ELMO1: variants seen among roughly 807,000 people sequenced by gnomAD.
ELMO1 encodes the protein engulfment and cell motility 1.
A neutral mutation model predicts 98.9 loss-of-function variants in ELMO1; 26 were observed. That is an observed-to-expected ratio of 0.26 (90% CI 0.19 to 0.36). The LOEUF (loss-of-function observed/expected upper bound fraction) is 0.36, where lower values mean the gene tolerates loss of function less well. Among genes scored for constraint, ELMO1 ranks in the 10% least tolerant of loss-of-function variants. The probability of loss-of-function intolerance (pLI) is 1.00; values close to 1 mark genes in which losing one functional copy is unlikely to be tolerated. For synonymous variants in ELMO1, 346 were observed against 346.0 expected (o/e 1.00, Z 0.00); for missense variants, 627 against 935.2 (o/e 0.67, Z 4.30).
chr7:36,991,345 A>G (rs886392628), intron 16 of ELMO1, among the ~76,000 whole-genome samples: 1 of 152,204 alleles, frequency 6.6e-6, no homozygotes, highest in Non-Finnish European at 1.5e-5. Context: ...GAATCAGACC[A>G]TATCTCCCAA....
rs116358865 is a variant in ELMO1, at chr7:37,427,105, G to T, written c.-74+21570C>A. Among the ~76,000 whole-genome samples, 1,072 of 152,250 alleles carry T rather than the reference G, an allele frequency of 7.0e-3. 14 individuals are homozygous for T. Among genetic ancestry groups the T allele is most frequent in the African/African-American group, 0.024 (1,017 of 41,536 alleles). On this transcript the variant is annotated intron_variant, in intron 1 of 21. Transcript: ENST00000310758. ...ATACAGTAGTTCAGACCACAAGGGG[G>T]TCTTCTTTAGAAACGAGATTCAAAT...
intron 15 of ELMO1, among the ~76,000 whole-genome samples, chr7:37,027,825 C>T (rs1295982077): frequency 6.8e-6 from 1 of 147,708 alleles, no homozygotes; most frequent in African/African-American, 2.6e-5. Flanking sequence ...TCCACACAGG[C>T]ACTTAACTGA....
At chr7:37,128,670 T>C (rs1347066080) in intron 14 of ELMO1, among the ~76,000 whole-genome samples, 2 of 152,100 alleles carry the variant, frequency 1.3e-5, no homozygotes, top group African/African-American at 4.8e-5. Flanking sequence ...CCTTTATAAC[T>C]GTTAGGAGGA....
chr7:37,071,604 G>GTT (rs1026388374), intron 15 of ELMO1, among the ~76,000 whole-genome samples: 1 of 151,974 alleles, frequency 6.6e-6, no homozygotes, highest in African/African-American at 2.4e-5. Flanking sequence ...CACTCCCCAG[G>GTT]TTTAATTAAG....
intron 14 of ELMO1, among the ~76,000 whole-genome samples, chr7:37,123,581 A>T (rs530375359): frequency 1.3e-5 from 2 of 152,328 alleles, no homozygotes; most frequent in South Asian, 4.1e-4. Flanking sequence ...CCCAAGACTA[A>T]ACCAGGAAGA....
At chr7:37,294,770 C>T (rs561639764) in intron 4 of ELMO1, among the ~76,000 whole-genome samples, 2 of 152,304 alleles carry the variant, frequency 1.3e-5, no homozygotes, top group Non-Finnish European at 2.9e-5. Context: ...GAGGCAGAGG[C>T]AGGTGGATCG....
chr7:37,017,448 G>A (rs553970017), intron 15 of ELMO1, among the ~76,000 whole-genome samples: 11 of 152,266 alleles, frequency 7.2e-5, no homozygotes, highest in South Asian at 2.1e-4. Flanking sequence ...TACAATTTGC[G>A]CCTCCCTTGT....
chr7:37,259,366 C>T lies in ELMO1; in HGVS notation c.244-16G>A, dbSNP rs762537247. ...CGTTCTGAGCCTTATGGGGCAAAAG[C>T]AAAGGGAAGAGTGTTGACAAACGAA... On this transcript the variant is annotated splice_polypyrimidine_tract_variant and intron_variant, in intron 5 of 21. Coordinates refer to ENST00000310758, the MANE Select transcript of ELMO1 (RefSeq NM_014800.11). The T allele has an allele frequency of 6.2e-7, 1 of 1,610,398 alleles. No homozygotes were observed. Among genetic ancestry groups the T allele is most frequent in the Admixed American group, 1.7e-5 (1 of 59,568 alleles).
At chr7:36,972,926 G>A (rs187111380) in intron 16 of ELMO1, among the ~76,000 whole-genome samples, 280 of 151,998 alleles carry the variant, frequency 1.8e-3, no homozygotes, top group African/African-American at 6.0e-3. Context: ...GATTACAGGC[G>A]CCCACCACCA....
intron 15 of ELMO1, among the ~76,000 whole-genome samples, chr7:37,037,250 T>A (rs754715785): frequency 2.0e-5 from 3 of 152,118 alleles, no homozygotes; most frequent in Non-Finnish European, 4.4e-5. Flanking sequence ...CTCAAGTGAG[T>A]ATGTTCAATG....
chr7:37,209,010 T>TAAAA (rs112233572), intron 13 of ELMO1, among the ~76,000 whole-genome samples: 2 of 145,508 alleles, frequency 1.4e-5, no homozygotes, highest in African/African-American at 5.1e-5. Context: ...AACTTTCAGT[T>TAAAA]AAAAAAAAAA....
At chr7:36,940,744 C>T (rs1365675644) in intron 16 of ELMO1, among the ~76,000 whole-genome samples, 2 of 152,194 alleles carry the variant, frequency 1.3e-5, no homozygotes, top group Non-Finnish European at 2.9e-5. Context: ...GAAACTCTCA[C>T]CAAGTCAAAC....
chr7:37,092,322 TG>T (rs1419672150), intron 15 of ELMO1, among the ~76,000 whole-genome samples: 1 of 150,346 alleles, frequency 6.7e-6, no homozygotes, highest in Non-Finnish European at 1.5e-5. Context: ...AGTTTGCTCA[TG>T]GAAAGTGAGG....
chr7:36,976,231 A>T (rs530859682), intron 16 of ELMO1, among the ~76,000 whole-genome samples: 4 of 151,946 alleles, frequency 2.6e-5, no homozygotes, highest in Admixed American at 2.0e-4. Context: ...TAGAACCAAA[A>T]CTCCCATTTT....
At chr7:37,134,009 T>C (rs144746347) in intron 13 of ELMO1, among the ~76,000 whole-genome samples, 1 of 152,238 alleles carries the variant, frequency 6.6e-6, no homozygotes, top group African/African-American at 2.4e-5. Flanking sequence ...AACAAGCATA[T>C]GGAAGAATGC....
At chr7:37,211,352 G>A (rs374193117) in intron 13 of ELMO1, 34 bp downstream of exon 13, 641 of 1,613,428 alleles carry the variant, frequency 4.0e-4, no homozygotes, top group Non-Finnish European at 5.2e-4. Flanking sequence ...GGGGAGGCTG[G>A]AGGGAGAGCG....
At chr7:36,862,371 A>G (rs1417473754) in intron 20 of ELMO1, among the ~76,000 whole-genome samples, 1 of 152,260 alleles carries the variant, frequency 6.6e-6, no homozygotes, top group African/African-American at 2.4e-5. Context: ...ACTGCAAGGT[A>G]TAATCGAGAA....
At chr7:37,151,598 T>C (rs984858078) in intron 13 of ELMO1, among the ~76,000 whole-genome samples, 2 of 152,154 alleles carry the variant, frequency 1.3e-5, no homozygotes, top group Non-Finnish European at 2.9e-5. Flanking sequence ...TGATTCAACC[T>C]AATAGCTAAA....
At chr7:36,883,495 G>C (rs1014701511) in intron 18 of ELMO1, among the ~76,000 whole-genome samples, 2 of 152,136 alleles carry the variant, frequency 1.3e-5, no homozygotes, top group Non-Finnish European at 2.9e-5. Flanking sequence ...CTGGATCATG[G>C]GGGTGGAATG....
Sources: gnomAD v4.1 joint callset for allele counts (sites outside exome capture counted in the v4.1 genomes callset) on GRCh38, gnomAD v4.1.1 for gene constraint, MANE v1.5 for transcripts, NCBI Gene and HGNC (gene_info 2026-07-23, HGNC 2026-07-21) for gene names.